KLF8: variants seen among roughly 807,000 people sequenced by gnomAD.
The protein encoded by KLF8 is Krueppel-like factor 8.
Under a neutral mutation model 18.2 loss-of-function variants are expected in KLF8, and 10 were observed. That is an observed-to-expected ratio of 0.55 (90% CI 0.34 to 0.93). KLF8 has a LOEUF of 0.93. Among genes scored for constraint, KLF8 ranks in the 40% least tolerant of loss-of-function variants. The pLI is 0.02. For synonymous variants in KLF8, 109 were observed against 97.3 expected, an observed-to-expected ratio of 1.12 and a Z score of -0.71; for missense variants, 264 against 277.9, an observed-to-expected ratio of 0.95 and a Z score of 0.36.
the KLF8 span, among the ~76,000 whole-genome samples, chrX:56,026,015 G>A: frequency 1.2e-4 from 14 of 112,050 alleles, no homozygotes; most frequent in East Asian, 1.1e-3. Context: ...CTCATGCTTC[G>A]GCCGTGCGTA....
chrX:56,187,250 C>T, the KLF8 span, among the ~76,000 whole-genome samples: 23 of 111,654 alleles, frequency 2.1e-4, no homozygotes, highest in East Asian at 5.6e-4. Context: ...AACACCTCTA[C>T]GCAAATAAAC....
the KLF8 span, among the ~76,000 whole-genome samples, chrX:56,149,805 C>T: frequency 1.8e-5 from 2 of 110,633 alleles, no homozygotes; most frequent in Non-Finnish European, 3.8e-5. Context: ...GCTCAAATCT[C>T]ACTAACCCCT....
the KLF8 span, among the ~76,000 whole-genome samples, chrX:56,160,142 A>G: frequency 8.9e-6 from 1 of 111,777 alleles, no homozygotes; most frequent in Non-Finnish European, 1.9e-5. Flanking sequence ...TCATTTCGTT[A>G]TGAACCCTGT....
At chrX:56,177,165 G>A in the KLF8 span, among the ~76,000 whole-genome samples, 1 of 111,752 alleles carries the variant, frequency 8.9e-6, no homozygotes, top group African/African-American at 3.3e-5. Flanking sequence ...TCCTTTGGAG[G>A]AGGAGAGGCG....
chrX:55,909,214 C>A, the KLF8 span, among the ~76,000 whole-genome samples: 1 of 112,351 alleles, frequency 8.9e-6, no homozygotes, highest in African/African-American at 3.2e-5. Flanking sequence ...AGAAGGGTGG[C>A]AGTACCTCTA....
rs2067278947 is a variant in KLF8, at chrX:56,287,285, C to T, written c.*2791C>T. 3 of 111,706 alleles carry T rather than the reference C, an allele frequency of 2.7e-5. No homozygotes were observed. Among genetic ancestry groups the T allele is most frequent in the African/African-American group, 9.8e-5 (3 of 30,756 alleles). 9.2% of individuals were successfully genotyped at this position (111,706 alleles called of 1,213,427 possible). The stretch of plus-strand genomic sequence containing the variant: ...CCTACAAAAAATGATAAAAGCTTTC[C>T]AATTACTTACATATGCTCTAACAAG... On this transcript the variant is annotated 3_prime_UTR_variant, in exon 6 of 6. Transcript: ENST00000468660.
the KLF8 span, among the ~76,000 whole-genome samples, chrX:56,048,330 G>A: frequency 2.7e-5 from 3 of 111,972 alleles, no homozygotes; most frequent in African/African-American, 9.7e-5. Context: ...TTTTAGACAT[G>A]AAGCCCTTGC....
At chrX:56,052,951 G>A in the KLF8 span, among the ~76,000 whole-genome samples, 4 of 112,069 alleles carry the variant, frequency 3.6e-5, no homozygotes, top group East Asian at 1.1e-3. Flanking sequence ...CGAGCCAGGT[G>A]TGGGATATAA....
At chrX:55,995,988 G>A in the KLF8 span, among the ~76,000 whole-genome samples, 6 of 111,046 alleles carry the variant, frequency 5.4e-5, no homozygotes, top group Admixed American at 1.9e-4. Flanking sequence ...TTGCTCTTTC[G>A]GGGACACCAA....
the KLF8 span, among the ~76,000 whole-genome samples, chrX:56,138,576 A>T: frequency 9.0e-6 from 1 of 111,326 alleles, no homozygotes; most frequent in South Asian, 3.8e-4. Context: ...CCACATGATC[A>T]TCTCAATAGA....
the KLF8 span, among the ~76,000 whole-genome samples, chrX:55,931,122 G>A: frequency 9.0e-6 from 1 of 111,198 alleles, no homozygotes; most frequent in African/African-American, 3.3e-5. Flanking sequence ...GGCAGAGTGT[G>A]TGTGTGTTTG....
At chrX:56,129,954 G>A in the KLF8 span, among the ~76,000 whole-genome samples, 2 of 110,180 alleles carry the variant, frequency 1.8e-5, no homozygotes, top group Non-Finnish European at 3.8e-5. Flanking sequence ...TAACTCTCCT[G>A]GGAGCATTAC....
the KLF8 span, among the ~76,000 whole-genome samples, chrX:56,144,516 G>A: frequency 1.8e-5 from 2 of 109,010 alleles, no homozygotes; most frequent in Middle Eastern, 4.2e-3. Flanking sequence ...TTGGGAGGCC[G>A]AGGCGGGTGG....
chrX:55,968,069 G>T, the KLF8 span, among the ~76,000 whole-genome samples: 7 of 111,562 alleles, frequency 6.3e-5, no homozygotes, highest in South Asian at 2.6e-3. Flanking sequence ...AGACCTTCCA[G>T]ATGGAAAATC....
chrX:56,085,305 C>T, the KLF8 span, among the ~76,000 whole-genome samples: 1 of 111,972 alleles, frequency 8.9e-6, no homozygotes, highest in Non-Finnish European at 1.9e-5. Context: ...ATTATGGAGG[C>T]TGTGAAGTTT....
chrX:56,037,665 CT>C, the KLF8 span, among the ~76,000 whole-genome samples: 14 of 109,340 alleles, frequency 1.3e-4, no homozygotes, highest in African/African-American at 2.3e-4. Flanking sequence ...CTTTATTTTA[CT>C]TTTTTTTCTT....
chrX:56,251,797 A>G (rs186970048), intron 2 of KLF8, among the ~76,000 whole-genome samples: 2 of 111,082 alleles, frequency 1.8e-5, no homozygotes, highest in South Asian at 3.8e-4. Context: ...GTAGGCGTAT[A>G]TATTTATGGG....
At chrX:55,957,256 G>T in the KLF8 span, among the ~76,000 whole-genome samples, 1 of 111,448 alleles carries the variant, frequency 9.0e-6, no homozygotes, top group East Asian at 2.8e-4. Context: ...ATATTTTTCT[G>T]TCTTTATGCC....
the KLF8 span, among the ~76,000 whole-genome samples, chrX:56,140,816 A>G: frequency 3.4e-4 from 36 of 104,481 alleles, no homozygotes; most frequent in Non-Finnish European, 5.0e-4. Flanking sequence ...AAAAAAAAAA[A>G]AAAGAAATGC....
Sources: allele counts gnomAD v4.1 joint callset (sites outside exome capture counted in the v4.1 genomes callset), GRCh38; gene constraint gnomAD v4.1.1; transcripts MANE v1.5; gene names NCBI Gene and HGNC (gene_info 2026-07-23, HGNC 2026-07-21).